The following CCDC112 variants were observed in gnomAD, a reference collection of about 807,000 sequenced individuals.
CCDC112 encodes the protein coiled-coil domain-containing protein 112.
CCDC112 carries 40 observed loss-of-function variants against 66.3 expected under a neutral mutation model. That is an observed-to-expected ratio of 0.60 (90% CI 0.47 to 0.79). The LOEUF is 0.79. Among genes scored for constraint, CCDC112 ranks in the 30% least tolerant of loss-of-function variants. The pLI is 0.00. For missense variants in CCDC112, 659 were observed against 603.8 expected (o/e 1.09, Z -0.96); for synonymous variants, 214 against 197.2 (o/e 1.09, Z -0.71).
At chr5:115,272,624 A>G (rs2127052741) in intron 6 of CCDC112, among the ~76,000 whole-genome samples, 1 of 152,342 alleles carries the variant, frequency 6.6e-6, no homozygotes, top group Middle Eastern at 3.4e-3. Flanking sequence ...ACATATGGGT[A>G]TGTAAAAATT....
chr5:115,296,394 C>G, intron 1 of CCDC112, 33 bp downstream of exon 1: 1 of 1,556,846 alleles, frequency 6.4e-7, no homozygotes, highest in Non-Finnish European at 8.6e-7. Context: ...CCTCGCCTGC[C>G]GCCAGAGCAG....
intron 1 of CCDC112, among the ~76,000 whole-genome samples, chr5:115,290,303 G>C (rs1300126005): frequency 6.6e-6 from 1 of 152,176 alleles, no homozygotes; most frequent in Non-Finnish European, 1.5e-5. Context: ...AACTGTAGGT[G>C]TATGTCTTGA....
At chr5:115,279,457 C>A (rs1439827656) in intron 3 of CCDC112, among the ~76,000 whole-genome samples, 190 bp downstream of exon 3, 2 of 151,886 alleles carry the variant, frequency 1.3e-5, no homozygotes, top group Non-Finnish European at 2.9e-5. Flanking sequence ...AAATAGTGAC[C>A]CGAAAGAATA....
chr5:115,294,486 G>A (rs1216197927), intron 1 of CCDC112, among the ~76,000 whole-genome samples: 1 of 152,172 alleles, frequency 6.6e-6, no homozygotes, highest in African/African-American at 2.4e-5. Context: ...CCAACCCTAA[G>A]GGCAACTTGA....
Position 115,274,154 on chromosome 5 carries a change from G to C in CCDC112, c.918+1062C>G, listed in dbSNP as rs145386149. Among the ~76,000 whole-genome samples, 16 of 152,104 alleles carry C rather than the reference G, an allele frequency of 1.1e-4. No homozygotes were observed. In the East Asian group the frequency reaches 2.1e-3, roughly 20 times the overall value. On this transcript the variant is annotated intron_variant, in intron 6 of 9. Coordinates refer to ENST00000379611, the MANE Select transcript of CCDC112 (RefSeq NM_001040440.3). Reference sequence around the variant, plus strand: ...CTGACTTACTGTGGTTCTCAACTAGGGGCTATTTTTCCCCTCCAGTGGACA... The same window carrying C: ...CTGACTTACTGTGGTTCTCAACTAGCGGCTATTTTTCCCCTCCAGTGGACA...
intron 3 of CCDC112, chr5:115,277,292 AG>A (rs1365528163): frequency 3.4e-6 from 1 of 292,988 alleles, no homozygotes; most frequent in Non-Finnish European, 6.3e-6. Flanking sequence ...ACCCGTGCTA[AG>A]GAAATGTCTT....
intron 1 of CCDC112, among the ~76,000 whole-genome samples, chr5:115,287,870 G>C (rs1444823208): frequency 1.3e-5 from 2 of 150,804 alleles, no homozygotes; most frequent in African/African-American, 2.4e-5. Flanking sequence ...TTTTCTTTTT[G>C]CTTCAAAATA....
At chr5:115,281,329 T>C (rs1580802465) in intron 2 of CCDC112, among the ~76,000 whole-genome samples, 1 of 152,172 alleles carries the variant, frequency 6.6e-6, no homozygotes, top group South Asian at 2.1e-4. Flanking sequence ...TGACCGCCCA[T>C]AGAGAAAAAT....
intron 8 of CCDC112, 63 bp downstream of exon 8, chr5:115,269,640 C>A: frequency 1.8e-6 from 2 of 1,102,162 alleles, no homozygotes; most frequent in Non-Finnish European, 1.3e-6. Flanking sequence ...GATTTGATGT[C>A]AGTATCCTTA....
In CCDC112 at chr5:115,271,328, T is replaced by A. The variant is rs1384712606; in HGVS notation, c.1217A>T (p.Gln406Leu). 6.2e-6 allele frequency: 10 copies of A among 1,613,270 alleles called. No homozygotes were observed. Among genetic ancestry groups the A allele is most frequent in the Non-Finnish European group, 8.5e-6 (10 of 1,179,876 alleles). Reference sequence around the variant, plus strand: ...AAATTCTTCCTGTTCTTTCTTCTGCTGGGTATAACTTTCTAGTAGTAATTT... The same window carrying A: ...AAATTCTTCCTGTTCTTTCTTCTGCAGGGTATAACTTTCTAGTAGTAATTT... ...KLKLLLESYT[Q>L]QKKEQEEFLR... Residue 406 changes from glutamine (Q) to leucine (L), a missense_variant, in exon 7 of 10, where the codon CAG becomes CTG. Transcript: ENST00000379611.
intron 6 of CCDC112, among the ~76,000 whole-genome samples, chr5:115,274,005 A>G (rs1480488209): frequency 6.6e-6 from 1 of 152,196 alleles, no homozygotes; most frequent in Non-Finnish European, 1.5e-5. Context: ...TAGACTAAAC[A>G]TGGACTCAAT....
At chr5:115,275,717 A>G in intron 5 of CCDC112, 111 bp from the exon 6 acceptor site, 1 of 787,932 alleles carries the variant, frequency 1.3e-6, no homozygotes, top group Non-Finnish European at 1.9e-6. Flanking sequence ...ACTTAACATT[A>G]TTAACATTTA....
chr5:115,286,364 T>C (rs558637550), intron 1 of CCDC112, among the ~76,000 whole-genome samples: 1 of 152,340 alleles, frequency 6.6e-6, no homozygotes, highest in Non-Finnish European at 1.5e-5. Context: ...TGTTGTACCA[T>C]GAATCAATAC....
At chr5:115,280,097 G>T (rs1387933538) in intron 2 of CCDC112, among the ~76,000 whole-genome samples, 4 of 152,058 alleles carry the variant, frequency 2.6e-5, no homozygotes, top group African/African-American at 9.7e-5. Flanking sequence ...GCCTGAAAAT[G>T]GCCATCACTG....
Position 115,275,197 on chromosome 5 carries a change from T to C in CCDC112, c.918+19A>G, listed in dbSNP as rs371495207. 3.6e-5 allele frequency: 56 copies of C among 1,552,058 alleles called. No homozygotes were observed. The Middle Eastern group carries it at 6.9e-4, about 19-fold the overall frequency. On this transcript the variant is annotated intron_variant, in intron 6 of 9. Transcript: ENST00000379611. The stretch of plus-strand genomic sequence containing the variant: ...GAACATAGAAACACAGAATGAATAA[T>C]AGCTATTATAATTATTACCTCTTTT...
At chr5:115,281,148 C>G (rs912109167) in intron 2 of CCDC112, among the ~76,000 whole-genome samples, 2 of 151,924 alleles carry the variant, frequency 1.3e-5, no homozygotes, top group African/African-American at 2.4e-5. Context: ...CTCAGCCTCC[C>G]GAGTAACTGG....
intron 1 of CCDC112, chr5:115,296,108 C>T (rs973403738): frequency 2.8e-6 from 3 of 1,068,692 alleles, no homozygotes; most frequent in Admixed American, 5.4e-5. Flanking sequence ...GTCCAAAGCT[C>T]GGGAGGTGCA....
Position 115,295,779 on chromosome 5 carries a change from T to A in CCDC112, c.117+648A>T, listed in dbSNP as rs1313651438. 1.5e-5 allele frequency: 6 copies of A among 411,072 alleles called. No homozygotes were observed. In the Admixed American group the frequency reaches 3.2e-4, roughly 22 times the overall value. 25.5% of individuals were successfully genotyped at this position (411,072 alleles called of 1,614,324 possible). A position where few individuals can be genotyped will look rare whatever the true frequency, so the allele number is the denominator to read the frequency against. On this transcript the variant is annotated intron_variant, in intron 1 of 9. Transcript: ENST00000379611. ...AACAATAGAAATAAAGTATGTAATA[T>A]AATATATGGTACTAAGTGCTATGGG...
At chr5:115,284,067 C>A (rs1352423869) in intron 2 of CCDC112, among the ~76,000 whole-genome samples, 2 of 150,486 alleles carry the variant, frequency 1.3e-5, no homozygotes, top group African/African-American at 4.9e-5. Flanking sequence ...CTGAAAGGAG[C>A]AGAAACCAAG....
Sources: allele counts gnomAD v4.1 joint callset (sites outside exome capture counted in the v4.1 genomes callset), GRCh38; gene constraint gnomAD v4.1.1; transcripts MANE v1.5; gene names NCBI Gene and HGNC (gene_info 2026-07-23, HGNC 2026-07-21).